MAGI1: variants seen among roughly 807,000 people sequenced by gnomAD.
The protein encoded by MAGI1 is membrane associated guanylate kinase, WW and PDZ domain containing 1.
In MAGI1, 58 loss-of-function variants were observed where a neutral mutation model predicts 139.9. The ratio of observed to expected loss-of-function variants is 0.41; its 90% CI spans 0.34 to 0.52. The LOEUF is 0.52. Among genes scored for constraint, MAGI1 ranks in the 20% least tolerant of loss-of-function variants. The pLI is 0.12. For missense variants in MAGI1, 1,874 were observed against 1,901.6 expected (o/e 0.99, Z 0.27); for synonymous variants, 812 against 737.9 (o/e 1.10, Z -1.63).
chr3:65,738,849 T>C (rs1022511106), intron 1 of MAGI1, among the ~76,000 whole-genome samples: 1 of 152,240 alleles, frequency 6.6e-6, no homozygotes, highest in Non-Finnish European at 1.5e-5. Context: ...TGTGCTATCA[T>C]TCAGGCTTTG....
chr3:65,411,313 C>T (rs893616508), intron 12 of MAGI1, among the ~76,000 whole-genome samples: 6 of 152,154 alleles, frequency 3.9e-5, no homozygotes, highest in African/African-American at 1.4e-4. Context: ...CTTCTAGTAC[C>T]TATATTTCAA....
chr3:65,865,035 G>A (rs765619145), intron 1 of MAGI1, among the ~76,000 whole-genome samples: 11 of 152,034 alleles, frequency 7.2e-5, no homozygotes, highest in Admixed American at 3.9e-4. Context: ...CACTCGGATA[G>A]ACACTAAGCA....
At position 65,747,511 on chromosome 3, in the gene MAGI1, ATT is replaced by A. The variant is rs35672846; in HGVS notation, c.314-125425_314-125424del. On this transcript the variant is annotated intron_variant, in intron 1 of 22. Transcript: ENST00000402939. ...AATACATAATAGGGATATTATTGTAATTTTTTTAAATGAATTAATACACATTT... is the reference window on the plus strand; with the variant it reads ...AATACATAATAGGGATATTATTGTAATTTTTAAATGAATTAATACACATTT... 1.2e-3 allele frequency among the ~76,000 whole-genome samples: 181 copies of A among 152,164 alleles called. 2 individuals carry two copies. Among genetic ancestry groups the A allele is most frequent in the Admixed American group, 0.012 (181 of 15,274 alleles).
intron 1 of MAGI1, among the ~76,000 whole-genome samples, chr3:65,754,959 T>A (rs1577012131): frequency 8.7e-6 from 1 of 114,388 alleles, no homozygotes; most frequent in Admixed American, 8.1e-5. Context: ...ATTTTTTAAA[T>A]TTTTTTTTTT....
chr3:65,759,837 G>A (rs2036869213), intron 1 of MAGI1, among the ~76,000 whole-genome samples: 1 of 152,072 alleles, frequency 6.6e-6, no homozygotes, highest in South Asian at 2.1e-4. Context: ...AGATTCAAAA[G>A]GGGGCCCATT....
At position 65,724,038 on chromosome 3, in the gene MAGI1, C is replaced by T. The variant is rs528470879; in HGVS notation, c.314-101950G>A. ...AAAGAAAGCAACTTAATACTCTGAG[C>T]AAAGCATTGACAATGATATGCCTGA... On this transcript the variant is annotated intron_variant, in intron 1 of 22. Transcript: ENST00000402939. 3.2e-3 allele frequency among the ~76,000 whole-genome samples: 492 copies of T among 152,298 alleles called. 3 individuals carry two copies. Among genetic ancestry groups the T allele is most frequent in the African/African-American group, 0.011 (475 of 41,566 alleles).
intron 1 of MAGI1, among the ~76,000 whole-genome samples, chr3:65,674,200 G>A (rs1559775502): frequency 6.6e-6 from 1 of 152,186 alleles, no homozygotes; most frequent in Non-Finnish European, 1.5e-5. Flanking sequence ...TAAAAATGAT[G>A]TTAAGTAGCT....
intron 1 of MAGI1, among the ~76,000 whole-genome samples, chr3:65,752,472 A>T (rs1488323617): frequency 1.3e-5 from 2 of 152,244 alleles, no homozygotes; most frequent in Non-Finnish European, 1.5e-5. Context: ...AATTAATGAC[A>T]TAATTAATCC....
At chr3:65,462,293 G>A (rs1949852828) in intron 5 of MAGI1, among the ~76,000 whole-genome samples, 1 of 152,140 alleles carries the variant, frequency 6.6e-6, no homozygotes, top group Non-Finnish European at 1.5e-5. Context: ...GTTAATTTTT[G>A]TATAAGGTGT....
intron 22 of MAGI1, 100 bp downstream of exon 22, chr3:65,361,099 T>G (rs1227932680): frequency 1.9e-6 from 3 of 1,608,064 alleles, no homozygotes. Flanking sequence ...AAGACACTGG[T>G]GAATAGGGGA....
chr3:65,684,868 ATTTTT>A (rs761948943), intron 1 of MAGI1, among the ~76,000 whole-genome samples: 12 of 98,176 alleles, frequency 1.2e-4, no homozygotes, highest in East Asian at 6.0e-4. Context: ...CACCTGGCTA[ATTTTT>A]TTTTTTTTTT....
chr3:65,960,834 G>A (rs1186839683), intron 1 of MAGI1, among the ~76,000 whole-genome samples: 1 of 151,940 alleles, frequency 6.6e-6, no homozygotes. Flanking sequence ...GCTCCTATAT[G>A]GCCACAAAGA....
chr3:65,764,615 C>T (rs2037319789), intron 1 of MAGI1, among the ~76,000 whole-genome samples: 1 of 152,174 alleles, frequency 6.6e-6, no homozygotes, highest in South Asian at 2.1e-4. Context: ...CCTCACTCTA[C>T]AGAATGCTTA....
intron 2 of MAGI1, among the ~76,000 whole-genome samples, chr3:65,567,837 A>G (rs1328286080): frequency 2.0e-5 from 3 of 152,178 alleles, no homozygotes; most frequent in Admixed American, 1.3e-4. Flanking sequence ...CTCTTTCTCC[A>G]AAAACAAAAA....
rs576855807 is a variant in MAGI1, at chr3:65,734,393, G to A, written c.314-112305C>T. On this transcript the variant is annotated intron_variant, in intron 1 of 22. Coordinates refer to ENST00000402939, the MANE Select transcript of MAGI1 (RefSeq NM_001033057.2). ...GAGGATCTCTTGAGCCCAGGAGGTCGAGGCAGCAGTGAGCCGTGATCATGC... is the reference window on the plus strand; with the variant it reads ...GAGGATCTCTTGAGCCCAGGAGGTCAAGGCAGCAGTGAGCCGTGATCATGC... 5.3e-5 allele frequency among the ~76,000 whole-genome samples: 8 copies of A among 151,358 alleles called. No homozygotes were observed. The East Asian group carries it at 1.2e-3, about 22-fold the overall frequency.
chr3:65,399,565 T>C (rs1439020545), intron 13 of MAGI1, among the ~76,000 whole-genome samples: 1 of 152,204 alleles, frequency 6.6e-6, no homozygotes, highest in Non-Finnish European at 1.5e-5. Flanking sequence ...TATTATTTTC[T>C]AACCCAGCAA....
At chr3:65,391,067 T>A (rs1276787409) in intron 14 of MAGI1, 75 bp downstream of exon 14, 2 of 1,314,438 alleles carry the variant, frequency 1.5e-6, no homozygotes, top group African/African-American at 2.9e-5. Flanking sequence ...ACTCATCTAT[T>A]TTCAATAACC....
intron 1 of MAGI1, among the ~76,000 whole-genome samples, chr3:65,718,239 C>A (rs890794041): frequency 5.3e-5 from 8 of 152,018 alleles, no homozygotes; most frequent in African/African-American, 1.9e-4. Flanking sequence ...GGCATTCTAA[C>A]AGCAGAAGCA....
chr3:65,905,263 G>T (rs1255854748), intron 1 of MAGI1, among the ~76,000 whole-genome samples: 1 of 152,048 alleles, frequency 6.6e-6, no homozygotes, highest in Non-Finnish European at 1.5e-5. Context: ...AGTATCAAAA[G>T]ATAATAAAAA....
Sources: gnomAD v4.1 joint callset for allele counts (sites outside exome capture counted in the v4.1 genomes callset) on GRCh38, gnomAD v4.1.1 for gene constraint, MANE v1.5 for transcripts, NCBI Gene and HGNC (gene_info 2026-07-23, HGNC 2026-07-21) for gene names.